Variants in CYSTM1 observed in about 807,000 individuals in gnomAD.
CYSTM1 encodes cysteine-rich transmembrane module-containing protein 1.
Under a neutral mutation model 13.1 loss-of-function variants are expected in CYSTM1, and 4 were observed. That is an observed-to-expected ratio of 0.31 (90% CI 0.15 to 0.70). CYSTM1 has a LOEUF of 0.70. Among genes scored for constraint, CYSTM1 ranks in the 30% least tolerant of loss-of-function variants. The pLI is 0.72. For synonymous variants in CYSTM1, 36 were observed against 42.7 expected, an observed-to-expected ratio of 0.84 and a Z score of 0.62; for missense variants, 96 against 121.6, an observed-to-expected ratio of 0.79 and a Z score of 0.99.
chr5:140,186,347 C>T (rs1208233141), intron 1 of CYSTM1, among the ~76,000 whole-genome samples: 1 of 152,180 alleles, frequency 6.6e-6, no homozygotes, highest in Non-Finnish European at 1.5e-5. Flanking sequence ...TATGAGCTGA[C>T]CCTTTGGCCT....
intron 1 of CYSTM1, among the ~76,000 whole-genome samples, chr5:140,189,148 G>C (rs1423811796): frequency 6.6e-6 from 1 of 152,206 alleles, no homozygotes; most frequent in East Asian, 1.9e-4. Context: ...GTCCTCTCCA[G>C]ATCTCATCTT....
chr5:140,223,217 C>A (rs59443048), intron 2 of CYSTM1, among the ~76,000 whole-genome samples: 27,482 of 152,172 alleles, frequency 0.18, 2,842 homozygotes, highest in South Asian at 0.24. Context: ...TGAGATGTTG[C>A]AAAGGAGAAG....
At chr5:140,195,158 T>G (rs769369825) in intron 2 of CYSTM1, among the ~76,000 whole-genome samples, 2 of 152,194 alleles carry the variant, frequency 1.3e-5, no homozygotes, top group Non-Finnish European at 2.9e-5. Context: ...TATAGAACAG[T>G]GTTACTCAAA....
chr5:140,234,525 C>T (rs1024805696), intron 2 of CYSTM1, among the ~76,000 whole-genome samples: 4 of 152,206 alleles, frequency 2.6e-5, no homozygotes, highest in Non-Finnish European at 4.4e-5. Flanking sequence ...ATTGGTTGCT[C>T]ACCCTTACAT....
chr5:140,238,294 T>C (rs139562941), intron 2 of CYSTM1, among the ~76,000 whole-genome samples: 81 of 152,312 alleles, frequency 5.3e-4, no homozygotes, highest in African/African-American at 1.8e-3. Flanking sequence ...GTCAGCTCCA[T>C]ATCCATCTCC....
chr5:140,188,981 C>G (rs1041171529), intron 1 of CYSTM1, among the ~76,000 whole-genome samples: 2 of 152,188 alleles, frequency 1.3e-5, no homozygotes, highest in Non-Finnish European at 2.9e-5. Flanking sequence ...GCTCAAGATA[C>G]AGAATGTTTC....
intron 2 of CYSTM1, among the ~76,000 whole-genome samples, chr5:140,242,583 A>G (rs1032762788): frequency 6.6e-6 from 1 of 152,168 alleles, no homozygotes; most frequent in African/African-American, 2.4e-5. Flanking sequence ...ATCAGCTAAC[A>G]AGTAGTGGGT....
At chr5:140,242,761 G>A (rs1393827104) in intron 2 of CYSTM1, among the ~76,000 whole-genome samples, 2 of 152,192 alleles carry the variant, frequency 1.3e-5, no homozygotes, top group Non-Finnish European at 2.9e-5. Flanking sequence ...ACTCAGCCAG[G>A]TTTTCATCCC....
At chr5:140,192,953 G>A (rs1036891184) in intron 1 of CYSTM1, among the ~76,000 whole-genome samples, 1 of 152,108 alleles carries the variant, frequency 6.6e-6, no homozygotes, top group Non-Finnish European at 1.5e-5. Context: ...ATGTTGTGTG[G>A]GCAACCATCA....
intron 2 of CYSTM1, chr5:140,201,819 A>G: frequency 6.6e-6 from 1 of 152,200 alleles, no homozygotes; most frequent in Non-Finnish European, 1.5e-5. Flanking sequence ...GAGTAAAGAA[A>G]GCCTCCAAGA....
intron 2 of CYSTM1, among the ~76,000 whole-genome samples, chr5:140,204,550 CA>C (rs937780191): frequency 6.6e-6 from 1 of 151,638 alleles, no homozygotes; most frequent in African/African-American, 2.4e-5. Flanking sequence ...AAAAACAAAA[CA>C]AAAAACCACC....
At chr5:140,234,135 G>T (rs1764650529) in intron 2 of CYSTM1, among the ~76,000 whole-genome samples, 1 of 152,130 alleles carries the variant, frequency 6.6e-6, no homozygotes, top group South Asian at 2.1e-4. Flanking sequence ...GTTAGTTTTT[G>T]TATAAAATGT....
intron 2 of CYSTM1, among the ~76,000 whole-genome samples, chr5:140,242,436 T>C (rs1275759702): frequency 1.3e-5 from 2 of 152,192 alleles, no homozygotes; most frequent in African/African-American, 4.8e-5. Context: ...ATTCATGCAT[T>C]CATGAACTTT....
At chr5:140,227,372 C>A (rs1764570214) in intron 2 of CYSTM1, among the ~76,000 whole-genome samples, 1 of 152,120 alleles carries the variant, frequency 6.6e-6, no homozygotes. Flanking sequence ...GTATAGGGGT[C>A]CTCTCTGGTT....
At chr5:140,231,142 T>C (rs1023310333) in intron 2 of CYSTM1, among the ~76,000 whole-genome samples, 2 of 152,268 alleles carry the variant, frequency 1.3e-5, no homozygotes, top group African/African-American at 4.8e-5. Flanking sequence ...CCTTTAAGTC[T>C]TAAAATTTTC....
chr5:140,212,983 G>GTATATATATATATATATA (rs150669111), intron 2 of CYSTM1, among the ~76,000 whole-genome samples: 27 of 114,292 alleles, frequency 2.4e-4, no homozygotes, highest in African/African-American at 7.1e-4. Flanking sequence ...CAAAACAAAA[G>GTATATATATATATATATA]TATATATATA....
At chr5:140,214,962 G>T (rs1416726416) in intron 2 of CYSTM1, among the ~76,000 whole-genome samples, 2 of 152,170 alleles carry the variant, frequency 1.3e-5, no homozygotes. Context: ...TACAGAAAGG[G>T]CCCAGGCTCC....
chr5:140,176,008 C>T (rs1432865384), intron 1 of CYSTM1, among the ~76,000 whole-genome samples: 3 of 152,048 alleles, frequency 2.0e-5, no homozygotes, highest in Admixed American at 1.3e-4. Context: ...GGAAGGAGAC[C>T]ATGAGGAAAA....
At chr5:140,222,501 T>A (rs1764503563) in intron 2 of CYSTM1, among the ~76,000 whole-genome samples, 1 of 152,250 alleles carries the variant, frequency 6.6e-6, no homozygotes, top group African/African-American at 2.4e-5. Context: ...TTATTCTCTG[T>A]GTTAATTTCT....
Sources: allele counts gnomAD v4.1 joint callset (sites outside exome capture counted in the v4.1 genomes callset), GRCh38; gene constraint gnomAD v4.1.1; transcripts MANE v1.5; gene names NCBI Gene and HGNC (gene_info 2026-07-23, HGNC 2026-07-21).